The following NBPF20 variants were observed in gnomAD, a reference collection of about 807,000 sequenced individuals.
NBPF20 encodes NBPF family member NBPF20.
A neutral mutation model predicts 68.1 loss-of-function variants in NBPF20; 90 were observed. The ratio of observed to expected loss-of-function variants is 1.32; its 90% CI spans 1.11 to 1.58. The LOEUF (loss-of-function observed/expected upper bound fraction) is 1.58, where lower values mean the gene tolerates loss of function less well. Among genes scored for constraint, NBPF20 ranks in the 40% most tolerant of loss-of-function variants. The pLI, the probability that NBPF20 is intolerant of heterozygous loss-of-function variation, is 0.00. For synonymous variants in NBPF20, 290 were observed against 228.1 expected, an observed-to-expected ratio of 1.27 and a Z score of -2.45; for missense variants, 816 against 601.2, an observed-to-expected ratio of 1.36 and a Z score of -3.74.
At chr1:145,411,387 CTT>C in the NBPF20 span, among the ~76,000 whole-genome samples, 10 of 106,156 alleles carry the variant, frequency 9.4e-5, no homozygotes, top group South Asian at 3.3e-4. Context: ...GTTGACTTTC[CTT>C]TTTTTTTTTT....
chr1:145,422,035 C>A, the NBPF20 span, among the ~76,000 whole-genome samples: 1 of 150,690 alleles, frequency 6.6e-6, no homozygotes, highest in Non-Finnish European at 1.5e-5. Context: ...GAGACACTGT[C>A]TCAAGAAAAA....
chr1:145,396,895 T>C (rs1325385220), intron 7 of NBPF20, among the ~76,000 whole-genome samples: 1 of 124,906 alleles, frequency 8.0e-6, no homozygotes, highest in Non-Finnish European at 1.7e-5. Flanking sequence ...ATTAGGTATA[T>C]CTCCTAATGC....
At chr1:145,396,360 A>G (rs1420476919) in intron 7 of NBPF20, among the ~76,000 whole-genome samples, 108 of 150,314 alleles carry the variant, frequency 7.2e-4, no homozygotes, top group African/African-American at 2.6e-3. Flanking sequence ...ATGTGGAAAG[A>G]CCAAATCTAC....
upstream of NBPF20, among the ~76,000 whole-genome samples, chr1:145,406,548 A>G (rs1408167653): frequency 3.9e-5 from 6 of 152,042 alleles, no homozygotes; most frequent in Middle Eastern, 3.4e-3. Flanking sequence ...ATTGCTTTAC[A>G]TTTCTATGAA....
chr1:145,311,883 T>G (rs1439916978), intron 112 of NBPF20, among the ~76,000 whole-genome samples: 1 of 111,902 alleles, frequency 8.9e-6, no homozygotes, highest in Non-Finnish European at 1.8e-5. Flanking sequence ...GAAATTAGAG[T>G]GAAGGATGAA....
the NBPF20 span, among the ~76,000 whole-genome samples, chr1:145,422,722 C>A: frequency 6.6e-6 from 1 of 152,188 alleles, no homozygotes; most frequent in African/African-American, 2.4e-5. Context: ...GGTGGGGTGG[C>A]TCATGCCTGT....
rs781886628 is a variant in NBPF20 at position 145,291,601 on chromosome 1, C to A, written c.16866G>T (p.Val5622=). The A allele has an allele frequency of 6.2e-6, 10 of 1,611,790 alleles. 1 individual carries two copies. The highest frequency in any genetic ancestry group is 3.3e-5 in the Admixed American group (2 of 59,994). ...CCGTCAAAGTAAAAAACCTATTGTCCACGTAAAGGGCGAAGCTGATGTGCT... is the reference window on the plus strand; with the variant it reads ...CCGTCAAAGTAAAAAACCTATTGTCAACGTAAAGGGCGAAGCTGATGTGCT... The change falls in exon 138 of 138, where the codon GTG becomes GTT. Residue 5622 remains valine, a synonymous_variant. Coordinates refer to ENST00000369373, the Ensembl canonical transcript of NBPF20.
intron 9 of NBPF20, 152 bp downstream of exon 14, chr1:145,393,732 A>G (rs1425492088): frequency 6.6e-7 from 1 of 1,507,908 alleles, no homozygotes; most frequent in African/African-American, 1.4e-5. Context: ...CTAAACATGT[A>G]CTCTAATGAG....
chr1:145,421,614 CAGG>C, the NBPF20 span, among the ~76,000 whole-genome samples: 1 of 151,964 alleles, frequency 6.6e-6, no homozygotes, highest in African/African-American at 2.4e-5. Flanking sequence ...CTCAAATTTC[CAGG>C]AGCTTATGTT....
upstream of NBPF20, among the ~76,000 whole-genome samples, chr1:145,409,675 CA>C (rs1553668515): frequency 2.0e-5 from 3 of 150,672 alleles, no homozygotes; most frequent in African/African-American, 7.3e-5. Context: ...TAGCAGGAGA[CA>C]AGATAAGGGC....
At chr1:145,416,603 AG>A in the NBPF20 span, among the ~76,000 whole-genome samples, 4 of 150,214 alleles carry the variant, frequency 2.7e-5, no homozygotes, top group South Asian at 8.6e-4. Context: ...TACATCATTG[AG>A]TTGTACATTA....
At chr1:145,292,092 A>G (rs1335135685) in intron 137 of NBPF20, among the ~76,000 whole-genome samples, 1 of 149,728 alleles carries the variant, frequency 6.7e-6, no homozygotes, top group Non-Finnish European at 1.5e-5. Flanking sequence ...AACTGTGATC[A>G]TGAAAAGAGT....
chr1:145,410,741 TATATATATAC>T, the NBPF20 span, among the ~76,000 whole-genome samples: 1 of 144,192 alleles, frequency 6.9e-6, no homozygotes, highest in African/African-American at 2.5e-5. Flanking sequence ...TGTCTGTGTA[TATATATATAC>T]ATATATATAT....
upstream of NBPF20, among the ~76,000 whole-genome samples, chr1:145,410,131 T>G (rs1231791913): frequency 6.6e-6 from 1 of 152,012 alleles, no homozygotes; most frequent in Non-Finnish European, 1.5e-5. Context: ...ATACCATTTT[T>G]CATTCCTACA....
the NBPF20 span, among the ~76,000 whole-genome samples, chr1:145,419,950 G>C: frequency 1.3e-5 from 2 of 151,904 alleles, no homozygotes; most frequent in African/African-American, 4.8e-5. Context: ...CTTCAAAAGT[G>C]GCCTCTCTTT....
chr1:145,410,618 T>A, the NBPF20 span, among the ~76,000 whole-genome samples: 4 of 151,160 alleles, frequency 2.6e-5, no homozygotes, highest in African/African-American at 9.7e-5. Context: ...CGGCCCCATG[T>A]ATCTTCTTTT....
intron 9 of NBPF20, 89 bp from the exon 15 acceptor site, chr1:145,393,335 A>T (rs1253815856): frequency 4.4e-5 from 30 of 689,242 alleles, no homozygotes; most frequent in East Asian, 2.7e-4. Context: ...CGTAAGGAAG[A>T]GTTTGAAAAG....
At chr1:145,399,804 C>T (rs1662428281) in intron 6 of NBPF20, among the ~76,000 whole-genome samples, 1 of 123,886 alleles carries the variant, frequency 8.1e-6, no homozygotes, top group African/African-American at 3.1e-5. Context: ...AAAAAATCCA[C>T]GATGCTACAA....
exon 138 of NBPF20, chr1:145,291,740 T>G: frequency 6.2e-7 from 1 of 1,611,912 alleles, no homozygotes. Context: ...GACTTCAGGC[T>G]CTTCCACTTC....
Sources: gnomAD v4.1 joint callset for allele counts (sites outside exome capture counted in the v4.1 genomes callset) on GRCh38, gnomAD v4.1.1 for gene constraint, MANE v1.5 for transcripts, NCBI Gene and HGNC (gene_info 2026-07-23, HGNC 2026-07-21) for gene names.